The following ROBO2 variants were observed in gnomAD, a reference collection of about 807,000 sequenced individuals.
ROBO2 encodes the protein roundabout homolog 2.
A neutral mutation model predicts 160.8 loss-of-function variants in ROBO2; 53 were observed. The ratio of observed to expected loss-of-function variants is 0.33; its 90% CI spans 0.26 to 0.41. ROBO2 has a LOEUF of 0.41. ROBO2 is among the 10% of genes least tolerant of loss of function. The pLI, the probability that ROBO2 is intolerant of heterozygous loss-of-function variation, is 1.00. For synonymous variants in ROBO2, 664 were observed against 611.7 expected, an observed-to-expected ratio of 1.09 and a Z score of -1.26; for missense variants, 1,577 against 1,722.4, an observed-to-expected ratio of 0.92 and a Z score of 1.49.
At chr3:77,262,581 A>C (rs2058844247) in intron 2 of ROBO2, among the ~76,000 whole-genome samples, 1 of 152,110 alleles carries the variant, frequency 6.6e-6, no homozygotes, top group East Asian at 1.9e-4. Context: ...CCCCAGCTTC[A>C]AGTTGAACCT....
chr3:76,790,807 A>G (rs1360568623), intron 2 of ROBO2, among the ~76,000 whole-genome samples: 1 of 151,836 alleles, frequency 6.6e-6, no homozygotes, highest in Non-Finnish European at 1.5e-5. Flanking sequence ...AAATGAAGGT[A>G]TATAACATTG....
At chr3:76,368,772 C>G (rs1002494577) in intron 2 of ROBO2, among the ~76,000 whole-genome samples, 6 of 151,870 alleles carry the variant, frequency 4.0e-5, no homozygotes, top group Admixed American at 2.0e-4. Flanking sequence ...TGTTCCCCTC[C>G]CTTGAATCAG....
chr3:76,023,307 T>C (rs1385621624), intron 2 of ROBO2, among the ~76,000 whole-genome samples: 3 of 151,868 alleles, frequency 2.0e-5, no homozygotes, highest in South Asian at 2.1e-4. Flanking sequence ...TTGGCTGTTA[T>C]AAGAGACCTA....
At chr3:77,257,264 C>A (rs2058479059) in intron 2 of ROBO2, among the ~76,000 whole-genome samples, 1 of 152,186 alleles carries the variant, frequency 6.6e-6, no homozygotes, top group African/African-American at 2.4e-5. Flanking sequence ...GGCTTTCCAG[C>A]AAACAAGATA....
intron 2 of ROBO2, among the ~76,000 whole-genome samples, chr3:77,210,315 ATAAT>A (rs2083962925): frequency 6.6e-6 from 1 of 152,182 alleles, no homozygotes; most frequent in South Asian, 2.1e-4. Flanking sequence ...AAATGTATGC[ATAAT>A]TAATGTTCTT....
At chr3:77,494,406 G>A (rs1297320770) in intron 5 of ROBO2, among the ~76,000 whole-genome samples, 1 of 151,998 alleles carries the variant, frequency 6.6e-6, no homozygotes, top group Non-Finnish European at 1.5e-5. Context: ...GTGAAACCCT[G>A]TCTCTACTAA....
intron 5 of ROBO2, among the ~76,000 whole-genome samples, chr3:77,496,191 C>G (rs1306499496): frequency 6.6e-6 from 1 of 152,104 alleles, no homozygotes; most frequent in East Asian, 1.9e-4. Flanking sequence ...CTTTGTGTAA[C>G]CAGTTAAATA....
intron 2 of ROBO2, among the ~76,000 whole-genome samples, chr3:76,940,764 A>T (rs187169743): frequency 1.3e-5 from 2 of 152,306 alleles, no homozygotes; most frequent in East Asian, 3.9e-4. Context: ...CAATGTATAC[A>T]TTTATCAAAA....
chr3:77,040,684 G>C, exon 1 of ROBO2: 1 of 1,603,982 alleles, frequency 6.2e-7, no homozygotes, highest in Non-Finnish European at 8.5e-7. Flanking sequence ...ATCTAGGAAA[G>C]TCTAAACTTT....
At chr3:76,676,498 C>A (rs1000646769) in intron 2 of ROBO2, among the ~76,000 whole-genome samples, 1 of 152,050 alleles carries the variant, frequency 6.6e-6, no homozygotes, top group African/African-American at 2.4e-5. Flanking sequence ...AAGGTATAAA[C>A]AAAGTGTATC....
chr3:76,590,285 G>A (rs2086334877), intron 2 of ROBO2, among the ~76,000 whole-genome samples: 1 of 152,074 alleles, frequency 6.6e-6, no homozygotes, highest in Non-Finnish European at 1.5e-5. Flanking sequence ...CCATACTGAT[G>A]CAAAATACTG....
At chr3:77,049,177 A>G (rs1243312360) in intron 1 of ROBO2, among the ~76,000 whole-genome samples, 3 of 152,036 alleles carry the variant, frequency 2.0e-5, no homozygotes, top group Non-Finnish European at 4.4e-5. Flanking sequence ...AAAAAGAAAA[A>G]AAGTTAGCTG....
At chr3:77,647,453 G>T (rs2153726140) in exon 26 of ROBO2, 1 of 152,004 alleles carries the variant, frequency 6.6e-6, no homozygotes, top group Middle Eastern at 3.4e-3. Context: ...TTTAAAAGGA[G>T]AAAAAAATGC....
rs568931216 is a variant in ROBO2, at chr3:76,130,752, T to C, written c.109+193150T>C. Among the ~76,000 whole-genome samples, 25 of 152,274 alleles carry C rather than the reference T, an allele frequency of 1.6e-4. No homozygotes were observed. In the South Asian group the frequency reaches 5.2e-3, roughly 32 times the overall value. On this transcript the variant is annotated intron_variant, in intron 2 of 26. Transcript: ENST00000487694. ...ATTGGTGGGAATTAATAACAATTCA[T>C]GTTCTAAAAAAATTAGCATTCTGTA...
At chr3:77,018,618 A>C (rs545734000) in intron 2 of ROBO2, among the ~76,000 whole-genome samples, 27 of 152,292 alleles carry the variant, frequency 1.8e-4, no homozygotes, top group African/African-American at 6.3e-4. Context: ...ATTTTTATCC[A>C]GTCATAATAT....
intron 5 of ROBO2, among the ~76,000 whole-genome samples, chr3:77,497,984 A>G (rs1355056349): frequency 6.6e-6 from 1 of 152,058 alleles, no homozygotes; most frequent in Non-Finnish European, 1.5e-5. Flanking sequence ...AATATTAATG[A>G]GAATTTTAAA....
chr3:76,531,294 G>T (rs571299298), intron 2 of ROBO2, among the ~76,000 whole-genome samples: 3 of 152,164 alleles, frequency 2.0e-5, no homozygotes, highest in Admixed American at 2.0e-4. Flanking sequence ...AGATATTTTA[G>T]CATGAGCTTC....
chr3:76,019,565 G>T (rs575058283), intron 2 of ROBO2, among the ~76,000 whole-genome samples: 7 of 151,914 alleles, frequency 4.6e-5, no homozygotes, highest in Non-Finnish European at 8.8e-5. Flanking sequence ...GTATATCTGA[G>T]AATACTGTAT....
chr3:76,058,514 G>A (rs1372887096), intron 2 of ROBO2, among the ~76,000 whole-genome samples: 1 of 147,470 alleles, frequency 6.8e-6, no homozygotes, highest in Non-Finnish European at 1.5e-5. Flanking sequence ...CGACCTAATT[G>A]ATGAAATAGG....
Sources: allele counts gnomAD v4.1 joint callset (sites outside exome capture counted in the v4.1 genomes callset), GRCh38; gene constraint gnomAD v4.1.1; transcripts MANE v1.5; gene names NCBI Gene and HGNC (gene_info 2026-07-23, HGNC 2026-07-21).